NCKAP5: variants seen among roughly 807,000 people sequenced by gnomAD.
The protein encoded by NCKAP5 is NCK associated protein 5.
In NCKAP5, 92 loss-of-function variants were observed where a neutral mutation model predicts 167.0. The ratio of observed to expected loss-of-function variants is 0.55; its 90% CI spans 0.47 to 0.66. The LOEUF is 0.66. NCKAP5 is among the 30% of genes least tolerant of loss of function. The probability of loss-of-function intolerance (pLI) is 0.00; values close to 1 mark genes in which losing one functional copy is unlikely to be tolerated. For missense variants in NCKAP5, 2,378 were observed against 2,315.0 expected (o/e 1.03, Z -0.56); for synonymous variants, 891 against 877.4 (o/e 1.02, Z -0.27).
At position 132,782,792 on chromosome 2, in the gene NCKAP5, C is replaced by G. The variant is rs758519579; in HGVS notation, c.4019G>C (p.Arg1340Thr). 1 of 1,613,870 alleles carries G rather than the reference C, an allele frequency of 6.2e-7. No individual in the cohort carries two copies. Among genetic ancestry groups the G allele is most frequent in the Non-Finnish European group, 8.5e-7 (1 of 1,179,814 alleles). The stretch of plus-strand genomic sequence containing the variant: ...CCCGGAGGAGGGGTGCCCCGAGGGC[C>G]TCCCAACACTGGGGAGACTCTCCAA... ...PMLESLPSVG[R>T]PSGHPSSGKG... Residue 1340 changes from arginine to threonine, a missense_variant, in exon 14 of 20, where the codon AGG becomes ACG. Coordinates refer to ENST00000409261, the MANE Select transcript of NCKAP5 (RefSeq NM_207363.3).
At chr2:132,923,861 T>C (rs187826123) in intron 8 of NCKAP5, among the ~76,000 whole-genome samples, 7 of 152,308 alleles carry the variant, frequency 4.6e-5, no homozygotes, top group African/African-American at 1.7e-4. Flanking sequence ...TTTCCAATGT[T>C]GAAAAAGCAC....
intron 3 of NCKAP5, among the ~76,000 whole-genome samples, chr2:133,385,953 C>T (rs1358884520): frequency 1.3e-5 from 2 of 151,718 alleles, no homozygotes; most frequent in African/African-American, 4.8e-5. Flanking sequence ...CTTTATTAGT[C>T]TTGTTAGCGG....
intron 6 of NCKAP5, among the ~76,000 whole-genome samples, chr2:133,028,893 G>A (rs535117520): frequency 6.6e-6 from 1 of 152,088 alleles, no homozygotes; most frequent in Admixed American, 6.5e-5. Context: ...CATGAGATCT[G>A]GTCCTTTAAA....
intron 19 of NCKAP5, among the ~76,000 whole-genome samples, chr2:132,717,028 T>C (rs1486187321): frequency 1.3e-5 from 2 of 152,166 alleles, no homozygotes; most frequent in Non-Finnish European, 2.9e-5. Context: ...CCAATGTGCA[T>C]AGCTAAAAGG....
intron 8 of NCKAP5, among the ~76,000 whole-genome samples, chr2:132,898,534 C>T (rs892177168): frequency 2.6e-5 from 4 of 152,210 alleles, no homozygotes; most frequent in Non-Finnish European, 5.9e-5. Flanking sequence ...AGGAATCACT[C>T]TCTCTGCCAG....
chr2:132,841,133 T>C (rs928826747), intron 11 of NCKAP5, among the ~76,000 whole-genome samples: 12 of 152,196 alleles, frequency 7.9e-5, no homozygotes, highest in Non-Finnish European at 1.5e-4. Flanking sequence ...AGCTTTATAG[T>C]TCAGTCTGAT....
intron 4 of NCKAP5, among the ~76,000 whole-genome samples, chr2:133,253,792 T>C (rs1455606608): frequency 6.6e-6 from 1 of 152,216 alleles, no homozygotes; most frequent in Non-Finnish European, 1.5e-5. Flanking sequence ...TTTAAAATTA[T>C]AAATTCAAAT....
intron 5 of NCKAP5, among the ~76,000 whole-genome samples, chr2:133,150,470 G>A (rs954994544): frequency 6.6e-6 from 1 of 152,114 alleles, no homozygotes; most frequent in Non-Finnish European, 1.5e-5. Flanking sequence ...TAACTGAGTT[G>A]GGGCTGAGTC....
At chr2:133,264,330 G>T (rs2089070522) in intron 4 of NCKAP5, among the ~76,000 whole-genome samples, 2 of 152,186 alleles carry the variant, frequency 1.3e-5, no homozygotes, top group South Asian at 4.1e-4. Context: ...AATTCCTGCT[G>T]CTGGGATTAA....
intron 3 of NCKAP5, among the ~76,000 whole-genome samples, chr2:133,403,100 A>T (rs994530991): frequency 4.6e-5 from 7 of 152,262 alleles, no homozygotes; most frequent in Non-Finnish European, 1.0e-4. Flanking sequence ...AAATCATGCC[A>T]CAAAAACAAT....
chr2:133,037,015 C>G (rs549621689), intron 6 of NCKAP5, among the ~76,000 whole-genome samples: 1 of 151,988 alleles, frequency 6.6e-6, no homozygotes, highest in Non-Finnish European at 1.5e-5. Context: ...TTTCTACATG[C>G]TAACAGTGAA....
chr2:132,771,037 G>C (rs1268220809), intron 16 of NCKAP5, among the ~76,000 whole-genome samples: 1 of 152,110 alleles, frequency 6.6e-6, no homozygotes. Context: ...GTTTATGTAT[G>C]TACTACTATA....
intron 3 of NCKAP5, among the ~76,000 whole-genome samples, chr2:133,419,206 C>T (rs995705387): frequency 2.6e-5 from 4 of 152,200 alleles, no homozygotes; most frequent in African/African-American, 9.6e-5. Context: ...CATGTGAGCA[C>T]ATTTTACCAA....
chr2:133,667,988 C>T, the NCKAP5 span, among the ~76,000 whole-genome samples: 5 of 152,092 alleles, frequency 3.3e-5, no homozygotes, highest in South Asian at 1.0e-3. Context: ...CTTTATTTTT[C>T]TATGGATTTG....
At chr2:133,269,101 T>C (rs2089390451) in intron 4 of NCKAP5, 2 of 152,176 alleles carry the variant, frequency 1.3e-5, no homozygotes, top group South Asian at 2.1e-4. Context: ...AGCTAACTTA[T>C]AGCCTAAATT....
chr2:133,560,131 C>T (rs180830757), intron 1 of NCKAP5, among the ~76,000 whole-genome samples: 26 of 152,210 alleles, frequency 1.7e-4, no homozygotes, highest in Middle Eastern at 3.4e-3. Context: ...CTTTGTGCCC[C>T]GAGTCCACAG....
At chr2:133,299,710 C>T (rs1391346764) in intron 4 of NCKAP5, among the ~76,000 whole-genome samples, 3 of 152,150 alleles carry the variant, frequency 2.0e-5, no homozygotes, top group African/African-American at 7.2e-5. Flanking sequence ...AAGTTCCTGC[C>T]ATTGCACTCC....
chr2:133,050,875 G>A (rs776869646), intron 6 of NCKAP5, among the ~76,000 whole-genome samples: 3 of 152,022 alleles, frequency 2.0e-5, no homozygotes, highest in Non-Finnish European at 4.4e-5. Flanking sequence ...TCTTTGTCTC[G>A]ATTTTATCAC....
chr2:133,126,428 TGAGA>T (rs1317791900), intron 6 of NCKAP5, among the ~76,000 whole-genome samples: 1 of 152,238 alleles, frequency 6.6e-6, no homozygotes, highest in Admixed American at 6.5e-5. Flanking sequence ...ATGGTTGCCC[TGAGA>T]ACTTTAAGCA....
Sources: allele counts gnomAD v4.1 joint callset (sites outside exome capture counted in the v4.1 genomes callset), GRCh38; gene constraint gnomAD v4.1.1; transcripts MANE v1.5; gene names NCBI Gene and HGNC (gene_info 2026-07-23, HGNC 2026-07-21).